Variants in ZNF770 observed in about 807,000 individuals in gnomAD.
ZNF770 encodes the protein zinc finger protein 770.
Under a neutral mutation model 44.8 loss-of-function variants are expected in ZNF770, and 13 were observed. That is an observed-to-expected ratio of 0.29 (90% CI 0.19 to 0.46). ZNF770 has a LOEUF of 0.46. Among genes scored for constraint, ZNF770 ranks in the 20% least tolerant of loss-of-function variants. ZNF770 has a pLI of 1.00. For synonymous variants in ZNF770, 304 were observed against 271.8 expected (o/e 1.12, Z -1.17); for missense variants, 681 against 797.9 (o/e 0.85, Z 1.77).
In ZNF770 at chr15:34,979,264, A is replaced by C. The variant is rs975942415; in HGVS notation, c.*2095T>G. On this transcript the variant is annotated 3_prime_UTR_variant, in exon 3 of 3. Coordinates refer to ENST00000356321, the MANE Select transcript of ZNF770 (RefSeq NM_014106.4). ...ATTATACAAAACATTTTCTTCAAAT[A>C]AAATTACATAAATTGCTTAGAAAAA... is the stretch of plus-strand genomic sequence containing the variant. 6 of 159,028 alleles carry C rather than the reference A, an allele frequency of 3.8e-5. No individual in the cohort carries two copies. Among genetic ancestry groups the C allele is most frequent in the African/African-American group, 9.6e-5 (4 of 41,490 alleles). The allele number at this position is 159,028 out of a possible 1,614,324, so 9.9% of individuals were successfully genotyped here.
At position 34,979,760 on chromosome 15, in the gene ZNF770, T is replaced by G. The variant is rs2050388799; in HGVS notation, c.*1599A>C. On this transcript the variant is annotated 3_prime_UTR_variant, in exon 3 of 3. Coordinates refer to ENST00000356321, the MANE Select transcript of ZNF770 (RefSeq NM_014106.4). ...TCAATAGAGGATTTTCCACTATATTTAAGTATGGCAGGATAATTACCCACC... is the reference window on the plus strand; with the variant it reads ...TCAATAGAGGATTTTCCACTATATTGAAGTATGGCAGGATAATTACCCACC... The G allele has an allele frequency of 2.3e-6, 1 of 425,772 alleles. No individual in the cohort carries two copies. The highest frequency in any genetic ancestry group is 8.7e-5 in the East Asian group (1 of 11,506). The allele number at this position is 425,772 out of a possible 1,614,324, so 26.4% of individuals were successfully genotyped here.
Position 34,981,485 on chromosome 15 carries a change from C to T in ZNF770, c.1950G>A (p.Gln650=), listed in dbSNP as rs1478853674. 1 of 1,614,202 alleles carries T rather than the reference C, an allele frequency of 6.2e-7. No individual in the cohort carries two copies. Among genetic ancestry groups the T allele is most frequent in the Non-Finnish European group, 8.5e-7 (1 of 1,180,028 alleles). ...CACAAACTGAGCATTCAAATGGTTT[C>T]TGCCCTGCATGAATTAGGTAGTGTC... The part of the protein sequence containing the change: ...LERHYLIHAG[Q]KPFECSVCGK... Residue 650 remains glutamine (Q), a synonymous_variant, in exon 3 of 3, where the codon CAG becomes CAA. Transcript: ENST00000356321.
chr15:34,981,590 C>T lies in ZNF770; in HGVS notation c.1845G>A (p.Glu615=), dbSNP rs773185940. The change falls in exon 3 of 3, where the codon GAG becomes GAA. Residue 615 remains glutamate, a synonymous_variant. Coordinates refer to ENST00000356321, the MANE Select transcript of ZNF770 (RefSeq NM_014106.4). ...EQSNPFCSYS[E]HQEKNDVFLY... ...GGAAGACATCATTTTTCTCCTGATG[C>T]TCTGAATAACTGCAAAAAGGATTGC... 5.0e-6 allele frequency: 8 copies of T among 1,614,124 alleles called. No individual in the cohort carries two copies. The highest frequency in any genetic ancestry group is 5.9e-6 in the Non-Finnish European group (7 of 1,180,028).
rs573343784 is a variant in ZNF770, at chr15:34,982,164, G to T, written c.1271C>A (p.Thr424Lys). 3 of 1,613,108 alleles carry T rather than the reference G, an allele frequency of 1.9e-6. No homozygotes were observed. The highest frequency in any genetic ancestry group is 1.7e-6 in the Non-Finnish European group (2 of 1,179,774). The change falls in exon 3 of 3, where the codon ACG becomes AAG. Residue 424 changes from threonine (T) to lysine (K), a missense_variant. By Grantham distance (78) the Thr-to-Lys change is moderately conservative (BLOSUM62 -1). Around this residue, in one of 5 missense-constraint regions of ZNF770, gnomAD observed 432 missense variants for 434.1 expected, o/e 1.00. Coordinates refer to ENST00000356321, the MANE Select transcript of ZNF770 (RefSeq NM_014106.4). Reference protein sequence around the residue: ...NMGKNLKGILTTENILSIDNS... With the variant: ...NMGKNLKGILKTENILSIDNS... Reference sequence around the variant, plus strand: ...ATCAATGCTTAATATGTTTTCTGTCGTAAGGATGCCTTTCAAATTTTTTCC... The same window carrying T: ...ATCAATGCTTAATATGTTTTCTGTCTTAAGGATGCCTTTCAAATTTTTTCC...
chr15:34,987,430 A>C (rs564814537), intron 2 of ZNF770, 127 bp downstream of exon 2: 12 of 120,374 alleles, frequency 1.0e-4, no homozygotes, highest in African/African-American at 7.5e-4. Flanking sequence ...AATAAAAAAG[A>C]CTGTAATTTT....
At position 34,982,591 on chromosome 15, in the gene ZNF770, T is replaced by C; in HGVS notation, c.844A>G (p.Asn282Asp). 6.2e-7 allele frequency: 1 copy of C among 1,613,676 alleles called. No individual in the cohort carries two copies. The change falls in exon 3 of 3, where the codon AAT becomes GAT. Residue 282 changes from asparagine to aspartate, a missense_variant. By Grantham distance (23) the Asn-to-Asp change is conservative. Around this residue, in one of 5 missense-constraint regions of ZNF770, gnomAD observed 432 missense variants for 434.1 expected, o/e 1.00. Transcript: ENST00000356321. ...NGEIGESEEN[N>D]PLDVHSIYIV... ...TAAATTGAGTGGACATCAAGTGGAT[T>C]ATTCTCCTCAGATTCACCAATCTCA...
Position 34,982,123 on chromosome 15 carries a change from T to C in ZNF770, c.1312A>G (p.Lys438Glu). The change falls in exon 3 of 3, where the codon AAA becomes GAA. Residue 438 changes from lysine (K) to glutamate (E), a missense_variant. Coordinates refer to ENST00000356321, the MANE Select transcript of ZNF770 (RefSeq NM_014106.4). ...ILSIDNSVNK[K>E]DLSICGSSGE... ...GATGAACCACAGATTGACAAGTCTT[T>C]CTTATTCACTGAATTATCAATGCTT... 3 of 1,614,104 alleles carry C rather than the reference T, an allele frequency of 1.9e-6. No individual in the cohort carries two copies. The highest frequency in any genetic ancestry group is 2.5e-6 in the Non-Finnish European group (3 of 1,180,010).
chr15:34,983,549 A>G, intron 2 of ZNF770, 59 bp from the exon 3 acceptor site: 1 of 972,080 alleles, frequency 1.0e-6, no homozygotes. Context: ...ATGAAAAGTA[A>G]CTTAAGTTGT....
rs1379190340 is a variant in ZNF770, at chr15:34,980,758, AGAGT to A, written c.*597_*600del. On this transcript the variant is annotated 3_prime_UTR_variant, in exon 3 of 3. Transcript: ENST00000356321. ...CGCCACTGCACTCTAGCCTGGCGAA[AGAGT>A]GAGACTCCATCTCAAAAAAAAAGAC... 5.3e-5 allele frequency: 8 copies of A among 152,272 alleles called. No individual in the cohort carries two copies. Among genetic ancestry groups the A allele is most frequent in the South Asian group, 4.1e-4 (2 of 4,822 alleles). 9.4% of individuals were successfully genotyped at this position (152,272 alleles called of 1,614,324 possible).
In ZNF770 at chr15:34,979,686, G is replaced by C. The variant is rs1265750561; in HGVS notation, c.*1673C>G. ...CCCGCCTCCCCCCTGTCAAAAGAAA[G>C]TTCTCAGTTTATGATGCAAAACTTA... On this transcript the variant is annotated 3_prime_UTR_variant, in exon 3 of 3. Transcript: ENST00000356321. The C allele has an allele frequency of 2.3e-6, 1 of 444,342 alleles. No homozygotes were observed. Among genetic ancestry groups the C allele is most frequent in the African/African-American group, 2.0e-5 (1 of 49,186 alleles). 27.5% of individuals were successfully genotyped at this position (444,342 alleles called of 1,614,324 possible). A position where few individuals can be genotyped will look rare whatever the true frequency, so the allele number is the denominator to read the frequency against.
Position 34,979,705 on chromosome 15 carries a change from A to G in ZNF770, c.*1654T>C. The G allele has an allele frequency of 2.2e-6, 1 of 447,678 alleles. No homozygotes were observed. 27.7% of individuals were successfully genotyped at this position (447,678 alleles called of 1,614,324 possible). Reference sequence around the variant, plus strand: ...AAGAAAGTTCTCAGTTTATGATGCAAAACTTACAATTGTTCATTTATCCAC... The same window carrying G: ...AAGAAAGTTCTCAGTTTATGATGCAGAACTTACAATTGTTCATTTATCCAC... On this transcript the variant is annotated 3_prime_UTR_variant, in exon 3 of 3. Coordinates refer to ENST00000356321, the MANE Select transcript of ZNF770 (RefSeq NM_014106.4).
In ZNF770 at chr15:34,981,814, T is replaced by C. The variant is rs747201658; in HGVS notation, c.1621A>G (p.Asn541Asp). 9.9e-6 allele frequency: 16 copies of C among 1,613,990 alleles called. No homozygotes were observed. The highest frequency in any genetic ancestry group is 1.2e-5 in the Non-Finnish European group (14 of 1,180,038). ...YASLCQVEFG[N>D]FNNLSNHSGN... is the part of the protein sequence containing the mutation. ...GAATGATTAGAAAGATTGTTGAAGT[T>C]TCCAAATTCTACTTGGCAAAGAGAT... The change falls in exon 3 of 3, where the codon AAC becomes GAC. Residue 541 changes from asparagine to aspartate, a missense_variant. Around this residue, in one of 5 missense-constraint regions of ZNF770, gnomAD observed 148 missense variants for 191.0 expected, o/e 0.77. Transcript: ENST00000356321.
Position 34,983,012 on chromosome 15 carries a change from T to C in ZNF770, c.423A>G (p.Leu141=), listed in dbSNP as rs145013762. The change falls in exon 3 of 3, where the codon TTA becomes TTG. Residue 141 remains leucine, a synonymous_variant. Transcript: ENST00000356321. ...NTFTTEERWA[L]HPCSKSDPMY... is the part of the protein sequence containing the mutation. ...TGGGATCAGACTTAGAGCACGGGTG[T>C]AATGCCCATCTTTCCTCTGTGGTAA... The C allele has an allele frequency of 5.3e-4, 849 of 1,614,064 alleles. 3 individuals carry two copies. The African/African-American group carries it at 9.2e-3, about 17-fold the overall frequency.
Position 34,983,253 on chromosome 15 carries a change from T to C in ZNF770, c.182A>G (p.His61Arg), listed in dbSNP as rs1595374102. 6.2e-7 allele frequency: 1 copy of C among 1,612,976 alleles called. No homozygotes were observed. Among genetic ancestry groups the C allele is most frequent in the Non-Finnish European group, 8.5e-7 (1 of 1,179,212 alleles). The change falls in exon 3 of 3, where the codon CAT becomes CGT. Residue 61 changes from histidine (H) to arginine (R), a missense_variant. By Grantham distance (29) the His-to-Arg change is conservative. Transcript: ENST00000356321. ...ATGAACTAGTTGTCTAAAGGTTTTA[T>C]GACACACATCACATTCAAATGGCTT... ...GQKPFECDVCHKTFRQLVHLE... is the reference protein window; with the variant it reads ...GQKPFECDVCRKTFRQLVHLE...
chr15:34,982,855 T>C lies in ZNF770; in HGVS notation c.580A>G (p.Thr194Ala), dbSNP rs1217353002. The change falls in exon 3 of 3, where the codon ACT (threonine) becomes GCT (alanine). Residue 194 changes from threonine to alanine, a missense_variant. This residue lies in a region of ZNF770 where 432 missense variants were observed against 434.1 expected (regional missense o/e 1.00). Coordinates refer to ENST00000356321, the MANE Select transcript of ZNF770 (RefSeq NM_014106.4). ...GQRPFKCVLC[T>A]KSFRQSTHLK... ...TGAGTTGACTGTCGAAAAGATTTAG[T>C]ACACAAGACACATTTAAAAGGCCTC... The C allele has an allele frequency of 6.2e-7, 1 of 1,613,780 alleles. No homozygotes were observed. The highest frequency in any genetic ancestry group is 2.2e-5 in the East Asian group (1 of 44,882).
At position 34,982,853 on chromosome 15, in the gene ZNF770, A is replaced by G. The variant is rs1444280890; in HGVS notation, c.582T>C (p.Thr194=). Reference sequence around the variant, plus strand: ...AGTGAGTTGACTGTCGAAAAGATTTAGTACACAAGACACATTTAAAAGGCC... The same window carrying G: ...AGTGAGTTGACTGTCGAAAAGATTTGGTACACAAGACACATTTAAAAGGCC... ...GQRPFKCVLC[T]KSFRQSTHLK... The change falls in exon 3 of 3, where the codon ACT becomes ACC. Residue 194 remains threonine (T), a synonymous_variant. Coordinates refer to ENST00000356321, the MANE Select transcript of ZNF770 (RefSeq NM_014106.4). The G allele has an allele frequency of 1.2e-6, 2 of 1,613,914 alleles. No individual in the cohort carries two copies. The highest frequency in any genetic ancestry group is 3.3e-5 in the Admixed American group (2 of 60,010).
In ZNF770 at chr15:34,982,716, C is replaced by A; in HGVS notation, c.719G>T (p.Arg240Met). The change falls in exon 3 of 3, where the codon AGG becomes ATG. Residue 240 changes from arginine to methionine, a missense_variant. Physicochemically the swap from Arg to Met is moderately conservative, Grantham distance 91. This residue lies in a region of ZNF770 where 432 missense variants were observed against 434.1 expected (regional missense o/e 1.00). Coordinates refer to ENST00000356321, the MANE Select transcript of ZNF770 (RefSeq NM_014106.4). ...KLLKHKQIHT[R>M]NKAFRALLLK... Reference sequence around the variant, plus strand: ...TAAAAGAGCCCGAAAAGCCTTATTCCTAGTATGGATTTGTTTATGCTTCAG... The same window carrying A: ...TAAAAGAGCCCGAAAAGCCTTATTCATAGTATGGATTTGTTTATGCTTCAG... The A allele has an allele frequency of 6.2e-7, 1 of 1,613,440 alleles. No homozygotes were observed. Among genetic ancestry groups the A allele is most frequent in the Non-Finnish European group, 8.5e-7 (1 of 1,179,956 alleles).
At position 34,983,149 on chromosome 15, in the gene ZNF770, A is replaced by G. The variant is rs1424167548; in HGVS notation, c.286T>C (p.Phe96Leu). The G allele has an allele frequency of 6.2e-7, 1 of 1,613,968 alleles. No homozygotes were observed. The highest frequency in any genetic ancestry group is 1.7e-5 in the Admixed American group (1 of 60,018). ...TTGTGAAGTTGTTGGTGCTTCACAA[A>G]TGTCTTCAGATTTTTAAAGTGACGC... ...CQRHFKNLKTFVKHQQLHNET... is the reference protein window; with the variant it reads ...CQRHFKNLKTLVKHQQLHNET... Residue 96 changes from phenylalanine (F) to leucine (L), a missense_variant, in exon 3 of 3, where the codon TTT (phenylalanine) becomes CTT (leucine). This residue lies in a region of ZNF770 where 65 missense variants were observed against 115.0 expected (regional missense o/e 0.57). Transcript: ENST00000356321.
chr15:34,982,194 T>G lies in ZNF770; in HGVS notation c.1241A>C (p.Asn414Thr), dbSNP rs751419410. The G allele has an allele frequency of 1.9e-6, 3 of 1,613,100 alleles. No homozygotes were observed. In the East Asian group the frequency reaches 6.7e-5, roughly 36 times the overall value. Residue 414 changes from asparagine to threonine, a missense_variant, in exon 3 of 3, where the codon AAT becomes ACT. Physicochemically the swap from Asn to Thr is moderately conservative, Grantham distance 65 (BLOSUM62 0). Transcript: ENST00000356321. ...KTLTLPFSWQ[N>T]MGKNLKGILT... ...GATGCCTTTCAAATTTTTTCCCATA[T>G]TTTGCCAAGAAAATGGCAAAGTCAA...
Sources: allele counts gnomAD v4.1 joint callset, GRCh38; gene constraint gnomAD v4.1.1; regional missense constraint gnomAD v4.1.1; transcripts MANE v1.5; gene names NCBI Gene and HGNC (gene_info 2026-07-23, HGNC 2026-07-21).